The following KATNB1 variants were observed in gnomAD, a reference collection of about 807,000 sequenced individuals.
The protein encoded by KATNB1 is katanin regulatory subunit B1, also known as katanin p80 WD40 repeat-containing subunit B1.
In KATNB1, 38 loss-of-function variants were observed where a neutral mutation model predicts 82.3. That is an observed-to-expected ratio of 0.46 (90% CI 0.36 to 0.61). The LOEUF (loss-of-function observed/expected upper bound fraction) is 0.61, where lower values mean the gene tolerates loss of function less well. Ranked by LOEUF, KATNB1 falls within the 20% of genes least tolerant of loss-of-function variation. KATNB1 has a pLI of 0.00. For synonymous variants in KATNB1, 361 were observed against 368.7 expected (o/e 0.98, Z 0.24); for missense variants, 749 against 915.7 (o/e 0.82, Z 2.35).
At position 57,752,951 on chromosome 16, in the gene KATNB1, C is replaced by T. The variant is rs113041871; in HGVS notation, c.855+23C>T. 56 of 1,598,916 alleles carry T rather than the reference C, an allele frequency of 3.5e-5. No individual in the cohort carries two copies. In the South Asian group the frequency reaches 3.6e-4, roughly 10 times the overall value. On this transcript the variant is annotated intron_variant, in intron 10 of 19. Transcript: ENST00000379661. ...TTGGTGAGAGAGCCATGGCACCCAC[C>T]GCCCCCCACTCCCACAGGGCCACCC...
chr16:57,748,461 A>ATTT (rs60376635), intron 4 of KATNB1, among the ~76,000 whole-genome samples: 11 of 82,076 alleles, frequency 1.3e-4, no homozygotes, highest in South Asian at 3.6e-4. Context: ...CCCCATCTCT[A>ATTT]TTTTTTTAAA....
At chr16:57,754,054 T>C in intron 13 of KATNB1, 59 bp downstream of exon 13, 1 of 1,431,786 alleles carries the variant, frequency 7.0e-7, no homozygotes. Context: ...CCTCATCTTC[T>C]CTTCCTGTGA....
chr16:57,755,746 G>A, intron 16 of KATNB1, 95 bp from the exon 17 acceptor site: 1 of 1,213,232 alleles, frequency 8.2e-7, no homozygotes, highest in Non-Finnish European at 1.2e-6. Flanking sequence ...AGCCCCATCA[G>A]CACACCCACA....
intron 10 of KATNB1, 70 bp downstream of exon 10, chr16:57,752,998 C>G: frequency 1.9e-6 from 3 of 1,592,544 alleles, no homozygotes; most frequent in Non-Finnish European, 2.6e-6. Flanking sequence ...GCCCAGGCCC[C>G]TCCTCCTACC....
intron 13 of KATNB1, 81 bp from the exon 14 acceptor site, chr16:57,754,849 G>A (rs1302167770): frequency 5.6e-6 from 8 of 1,434,080 alleles, no homozygotes; most frequent in Non-Finnish European, 7.8e-6. Context: ...TGCAGATGCT[G>A]CCCAGAGTCC....
At chr16:57,738,418 G>T (rs1026657772) in intron 2 of KATNB1, among the ~76,000 whole-genome samples, 32 of 152,248 alleles carry the variant, frequency 2.1e-4, no homozygotes, top group Middle Eastern at 6.8e-3. Context: ...ACCACACCCG[G>T]CTAATTTTTG....
chr16:57,739,981 CA>C (rs574197078), intron 2 of KATNB1, among the ~76,000 whole-genome samples: 7 of 152,232 alleles, frequency 4.6e-5, no homozygotes, highest in South Asian at 2.1e-4. Flanking sequence ...CCAGGTAGGC[CA>C]GGGGGAGCGA....
At chr16:57,744,317 C>CG in intron 3 of KATNB1, 77 bp from the exon 4 acceptor site, 1 of 1,290,896 alleles carries the variant, frequency 7.7e-7, no homozygotes, top group Non-Finnish European at 1.1e-6. Flanking sequence ...GAAGCCTTTC[C>CG]GGGGGACTTG....
intron 2 of KATNB1, among the ~76,000 whole-genome samples, chr16:57,740,430 C>A (rs531705207): frequency 1.3e-5 from 2 of 152,194 alleles, no homozygotes; most frequent in Non-Finnish European, 2.9e-5. Context: ...GTCTGAAGCC[C>A]GCAGCAGAGA....
Position 57,753,188 on chromosome 16 carries a change from G to A in KATNB1, c.967G>A (p.Ala323Thr). 6.2e-7 allele frequency: 1 copy of A among 1,609,272 alleles called. No individual in the cohort carries two copies. Residue 323 changes from alanine (A) to threonine (T), a missense_variant, in exon 11 of 20, where the codon GCA becomes ACA. Around this residue, in one of 3 missense-constraint regions of KATNB1, gnomAD observed 407 missense variants for 434.7 expected, o/e 0.94. Transcript: ENST00000379661. ...CCCTGTGCAGGACCACCGGCCCCTG[G>A]CACAGCCACTGCCCAACCCCAGCGC... Reference protein sequence around the residue: ...RDPVQDHRPLAQPLPNPSAPL... With the variant: ...RDPVQDHRPLTQPLPNPSAPL...
intron 19 of KATNB1, 26 bp from the exon 20 acceptor site, chr16:57,756,787 GC>G: frequency 6.6e-7 from 1 of 1,515,278 alleles, no homozygotes. Context: ...GTGCCAGCTA[GC>G]CCCTCAGGCA....
intron 13 of KATNB1, 126 bp from the exon 14 acceptor site, chr16:57,754,804 G>A (rs1244072408): frequency 2.0e-6 from 2 of 987,060 alleles, no homozygotes; most frequent in Non-Finnish European, 3.1e-6. Context: ...CCACTGGCCT[G>A]CAGCCTCCCC....
chr16:57,750,821 TGTTA>T lies in KATNB1; in HGVS notation c.290-2_291del. ...TAGCCACTGTCTCTGCTTTCCTTCT[TGTTA>T]GTTCTTCGCACACTCATGGGACACA... is the stretch of plus-strand genomic sequence containing the variant. On this transcript the variant is annotated splice_acceptor_variant and splice_polypyrimidine_tract_variant and intron_variant, in intron 4 of 19. Coordinates refer to ENST00000379661, the MANE Select transcript of KATNB1 (RefSeq NM_005886.3). LOFTEE classifies it high-confidence loss of function. 6.2e-7 allele frequency: 1 copy of T among 1,612,884 alleles called. No homozygotes were observed. The highest frequency in any genetic ancestry group is 8.5e-7 in the Non-Finnish European group (1 of 1,178,846).
intron 4 of KATNB1, among the ~76,000 whole-genome samples, chr16:57,747,895 C>T (rs2049195297): frequency 6.6e-6 from 1 of 152,196 alleles, no homozygotes; most frequent in Non-Finnish European, 1.5e-5. Flanking sequence ...GAAATGAAAA[C>T]TGAAGATTGC....
chr16:57,741,900 A>C (rs2049146551), intron 3 of KATNB1, 83 bp downstream of exon 3: 1 of 1,466,544 alleles, frequency 6.8e-7, no homozygotes, highest in Non-Finnish European at 9.3e-7. Context: ...AAGAGTGAGC[A>C]GCTTCTCAGA....
At position 57,737,148 on chromosome 16, in the gene KATNB1, C is replaced by T. The variant is rs1323097819; in HGVS notation, c.-96C>T. On this transcript the variant is annotated 5_prime_UTR_variant, in exon 2 of 20. Coordinates refer to ENST00000379661, the MANE Select transcript of KATNB1 (RefSeq NM_005886.3). Reference sequence around the variant, plus strand: ...TGGATGTGTGGGAACTCTCTGCCAACTTGATTGGTGGATCTGGGGGGGGAT... The same window carrying T: ...TGGATGTGTGGGAACTCTCTGCCAATTTGATTGGTGGATCTGGGGGGGGAT... The T allele has an allele frequency of 5.4e-6, 8 of 1,487,618 alleles. No homozygotes were observed. Among genetic ancestry groups the T allele is most frequent in the Non-Finnish European group, 7.4e-6 (8 of 1,077,120 alleles). The allele number at this position is 1,487,618 out of a possible 1,614,324, so 92.2% of individuals were successfully genotyped here.
chr16:57,756,403 T>C lies in KATNB1; in HGVS notation c.1766T>C (p.Phe589Ser). 1 of 1,614,038 alleles carries C rather than the reference T, an allele frequency of 6.2e-7. No individual in the cohort carries two copies. Among genetic ancestry groups the C allele is most frequent in the Non-Finnish European group, 8.5e-7 (1 of 1,180,018 alleles). Residue 589 changes from phenylalanine to serine, a missense_variant, in exon 19 of 20, where the codon TTT becomes TCT. Transcript: ENST00000379661. ...CTSLKLILQR[F>S]LPLITDMLAA... ...TCCCTGAAGCTGATCCTGCAGCGGT[T>C]TCTGCCCCTCATCACAGACATGCTG...
chr16:57,753,146 G>A lies in KATNB1; in HGVS notation c.925G>A (p.Gly309Ser). The change falls in exon 11 of 20, where the codon GGC (glycine) becomes AGC (serine). Residue 309 changes from glycine to serine, a missense_variant. Physicochemically the swap from Gly to Ser is moderately conservative, Grantham distance 56. Transcript: ENST00000379661. ...GGATCTGACGCGTGTCACCAGGACT[G>A]GCACGGTGGCCCGGGACCCTGTGCA... The part of the protein sequence containing the change: ...VVDLTRVTRT[G>S]TVARDPVQDH... 1 of 1,611,550 alleles carries A rather than the reference G, an allele frequency of 6.2e-7. No homozygotes were observed. Among genetic ancestry groups the A allele is most frequent in the Non-Finnish European group, 8.5e-7 (1 of 1,179,768 alleles).
intron 12 of KATNB1, 145 bp from the exon 13 acceptor site, chr16:57,753,800 G>T (rs1028320233): frequency 1.0e-5 from 8 of 790,838 alleles, no homozygotes; most frequent in Admixed American, 2.7e-5. Flanking sequence ...GCAGGACTGA[G>T]GGTTCCTGGG....
Sources: gnomAD v4.1 joint callset for allele counts (sites outside exome capture counted in the v4.1 genomes callset) on GRCh38, gnomAD v4.1.1 for gene constraint, gnomAD v4.1.1 regional missense constraint, MANE v1.5 for transcripts, NCBI Gene and HGNC (gene_info 2026-07-23, HGNC 2026-07-21) for gene names.